The following CCDC178 variants were observed in gnomAD, a reference collection of about 807,000 sequenced individuals.
CCDC178 encodes the protein coiled-coil domain-containing protein 178.
In CCDC178, 126 loss-of-function variants were observed where a neutral mutation model predicts 117.4. The ratio of observed to expected loss-of-function variants is 1.07; its 90% confidence interval spans 0.93 to 1.24. The LOEUF (loss-of-function observed/expected upper bound fraction) is 1.24. Among genes scored for constraint, CCDC178 ranks in the 50% most tolerant of loss-of-function variants. The pLI, the probability that CCDC178 is intolerant of heterozygous loss-of-function variation, is 0.00. For synonymous variants in CCDC178, 283 were observed against 313.4 expected (o/e 0.90, Z 1.02); for missense variants, 1,030 against 986.9 (o/e 1.04, Z -0.59).
chr18:33,307,698 G>T (rs535302559), intron 11 of CCDC178, among the ~76,000 whole-genome samples: 40 of 152,302 alleles, frequency 2.6e-4, no homozygotes, highest in African/African-American at 8.4e-4. Context: ...CGGTCTTGTA[G>T]GCAGTCTTTC....
At chr18:33,200,355 T>C (rs1194494928) in intron 20 of CCDC178, among the ~76,000 whole-genome samples, 1 of 152,224 alleles carries the variant, frequency 6.6e-6, no homozygotes, top group Non-Finnish European at 1.5e-5. Flanking sequence ...AGCCTGTTAG[T>C]GCAACACTAA....
At chr18:33,414,199 G>T (rs969394921) in intron 2 of CCDC178, among the ~76,000 whole-genome samples, 1 of 151,938 alleles carries the variant, frequency 6.6e-6, no homozygotes, top group South Asian at 2.1e-4. Context: ...TAATATTGTC[G>T]ATTTGAAAAG....
chr18:33,086,658 G>T (rs1457399991), intron 21 of CCDC178, among the ~76,000 whole-genome samples: 1 of 151,928 alleles, frequency 6.6e-6, no homozygotes, highest in African/African-American at 2.4e-5. Flanking sequence ...AAATCTCTAA[G>T]AAGGGGATAT....
At chr18:33,025,212 A>G (rs1391661740) in intron 21 of CCDC178, among the ~76,000 whole-genome samples, 1 of 152,238 alleles carries the variant, frequency 6.6e-6, no homozygotes. Context: ...ACATTTAAGA[A>G]GAAAAGTTCC....
chr18:33,265,837 C>A (rs1199851953), intron 14 of CCDC178, among the ~76,000 whole-genome samples: 6 of 151,938 alleles, frequency 3.9e-5, no homozygotes, highest in Admixed American at 3.9e-4. Flanking sequence ...ACCAGTTCTG[C>A]CAGTCACTGT....
At chr18:33,102,444 A>C (rs192430) in intron 20 of CCDC178, among the ~76,000 whole-genome samples, 1 of 150,548 alleles carries the variant, frequency 6.6e-6, no homozygotes, top group African/African-American at 2.4e-5. Flanking sequence ...AAAAAAAAAT[A>C]GGCCTCAGTC....
At chr18:33,289,845 A>G (rs2060145759) in intron 12 of CCDC178, among the ~76,000 whole-genome samples, 1 of 152,182 alleles carries the variant, frequency 6.6e-6, no homozygotes, top group Non-Finnish European at 1.5e-5. Flanking sequence ...GAGGATCACA[A>G]AATCCCTAAA....
At chr18:33,175,088 G>T (rs192607343) in intron 20 of CCDC178, among the ~76,000 whole-genome samples, 2 of 145,226 alleles carry the variant, frequency 1.4e-5, no homozygotes, top group East Asian at 3.9e-4. Flanking sequence ...CCATGTTGGC[G>T]GCTGGTCTCT....
At chr18:33,050,121 C>G (rs562819138) in intron 21 of CCDC178, among the ~76,000 whole-genome samples, 61 of 152,054 alleles carry the variant, frequency 4.0e-4, no homozygotes, top group Middle Eastern at 3.4e-3. Flanking sequence ...AAGAATACAA[C>G]TAAGATCACA....
intron 22 of CCDC178, among the ~76,000 whole-genome samples, chr18:32,940,788 A>G (rs1221637622): frequency 6.6e-6 from 1 of 152,120 alleles, no homozygotes; most frequent in East Asian, 1.9e-4. Context: ...ATAAAAGAAA[A>G]AGATCCAGGT....
intron 7 of CCDC178, among the ~76,000 whole-genome samples, chr18:33,349,319 C>A (rs2062939869): frequency 6.6e-6 from 1 of 151,814 alleles, no homozygotes; most frequent in African/African-American, 2.4e-5. Context: ...TCTGTAATTT[C>A]AGTTCAGTAG....
At chr18:32,967,788 G>T in intron 22 of CCDC178, among the ~76,000 whole-genome samples, 2 of 149,452 alleles carry the variant, frequency 1.3e-5, no homozygotes, top group Non-Finnish European at 1.5e-5. Context: ...TTATTTGAAT[G>T]GAATCATATA....
At chr18:33,068,650 G>T (rs1190162047) in intron 21 of CCDC178, among the ~76,000 whole-genome samples, 3 of 152,020 alleles carry the variant, frequency 2.0e-5, no homozygotes, top group Admixed American at 6.6e-5. Flanking sequence ...CAACAAATTA[G>T]GTACAGAAGG....
At chr18:33,269,236 C>T (rs2059856983) in intron 12 of CCDC178, among the ~76,000 whole-genome samples, 1 of 151,744 alleles carries the variant, frequency 6.6e-6, no homozygotes, top group Admixed American at 6.6e-5. Context: ...AACTCTGTGG[C>T]CACCTGAGAT....
intron 2 of CCDC178, among the ~76,000 whole-genome samples, chr18:33,431,736 T>C (rs2144970968): frequency 6.6e-6 from 1 of 152,336 alleles, no homozygotes; most frequent in Non-Finnish European, 1.5e-5. Flanking sequence ...AACATTATTT[T>C]ATCAGCTGAA....
intron 9 of CCDC178, among the ~76,000 whole-genome samples, chr18:33,337,272 C>A (rs1368282566): frequency 6.6e-6 from 1 of 151,770 alleles, no homozygotes; most frequent in African/African-American, 2.4e-5. Flanking sequence ...TGAAACTCTG[C>A]TGAATTAATT....
At chr18:33,333,074 A>G in intron 10 of CCDC178, 100 bp downstream of exon 10, 2 of 650,908 alleles carry the variant, frequency 3.1e-6, no homozygotes, top group South Asian at 4.7e-5. Context: ...TTTAAGAAAA[A>G]AAAAAAAAAC....
chr18:33,355,741 C>G (rs2063046278), intron 7 of CCDC178, among the ~76,000 whole-genome samples: 1 of 152,176 alleles, frequency 6.6e-6, no homozygotes, highest in Non-Finnish European at 1.5e-5. Context: ...CCTTTAAATG[C>G]TTTTTGCAAA....
At chr18:32,973,403 T>C (rs1568190534) in intron 22 of CCDC178, among the ~76,000 whole-genome samples, 1 of 152,136 alleles carries the variant, frequency 6.6e-6, no homozygotes, top group Admixed American at 6.5e-5. Context: ...GAAAACAAGA[T>C]GCTCCTGACT....
Sources: gnomAD v4.1 joint callset for allele counts (sites outside exome capture counted in the v4.1 genomes callset) on GRCh38, gnomAD v4.1.1 for gene constraint, MANE v1.5 for transcripts, NCBI Gene and HGNC (gene_info 2026-07-23, HGNC 2026-07-21) for gene names.